IGSF9B: variants seen among roughly 807,000 people sequenced by gnomAD.
The protein encoded by IGSF9B is protein turtle homolog B.
IGSF9B carries 48 observed loss-of-function variants against 143.7 expected under a neutral mutation model. The observed-to-expected ratio is 0.33, with a 90% CI of 0.26 to 0.42. The LOEUF (loss-of-function observed/expected upper bound fraction) is 0.42, where lower values mean the gene tolerates loss of function less well. Ranked by LOEUF, IGSF9B falls within the 20% of genes least tolerant of loss-of-function variation. The pLI is 1.00. For synonymous variants in IGSF9B, 903 were observed against 833.1 expected, an observed-to-expected ratio of 1.08 and a Z score of -1.44; for missense variants, 1,706 against 1,980.0, an observed-to-expected ratio of 0.86 and a Z score of 2.63.
intron 19 of IGSF9B, among the ~76,000 whole-genome samples, chr11:133,910,559 A>T (rs910048657): frequency 1.3e-5 from 2 of 152,170 alleles, no homozygotes; most frequent in Non-Finnish European, 2.9e-5. Flanking sequence ...ACCGAGGAAG[A>T]GCTGAGGAGA....
chr11:133,923,143 G>C (rs1339083743), intron 15 of IGSF9B, among the ~76,000 whole-genome samples: 2 of 152,228 alleles, frequency 1.3e-5, no homozygotes, highest in African/African-American at 4.8e-5. Context: ...CTGGGTTAGA[G>C]AGACCCGCTT....
At position 133,928,052 on chromosome 11, in the gene IGSF9B, G is replaced by A. The variant is rs1266829745; in HGVS notation, c.1632-961C>T. On this transcript the variant is annotated intron_variant, in intron 12 of 19. Transcript: ENST00000533871. This position sits in a 1 kb window ranked among gnomAD's most constrained non-coding sequence, Gnocchi z 4.7. ...GGCCCAGGCAACAAAGCAGCGAGGA[G>A]CCACGTGTGGAAAAGCAGTGCAGAT... Among the ~76,000 whole-genome samples, 1 of 152,194 alleles carries A rather than the reference G, an allele frequency of 6.6e-6. No homozygotes were observed. Among genetic ancestry groups the A allele is most frequent in the Non-Finnish European group, 1.5e-5 (1 of 68,032 alleles).
rs186855810 is a variant in IGSF9B, at chr11:133,925,996, G to A, written c.1808-31C>T. 6.6e-4 allele frequency: 978 copies of A among 1,484,116 alleles called. 7 individuals carry two copies. In the African/African-American group the frequency reaches 0.012, roughly 18 times the overall value. The allele number at this position is 1,484,116 out of a possible 1,614,324, so 91.9% of individuals were successfully genotyped here. A position where few individuals can be genotyped will look rare whatever the true frequency, so the allele number is the denominator to read the frequency against. Reference sequence around the variant, plus strand: ...GCGGGGGAAGGAGAAGAACCACAGCGCATCAGCGAGGCCCAGGGCAGCCAC... The same window carrying A: ...GCGGGGGAAGGAGAAGAACCACAGCACATCAGCGAGGCCCAGGGCAGCCAC... On this transcript the variant is annotated intron_variant, in intron 13 of 19. Coordinates refer to ENST00000533871, the MANE Select transcript of IGSF9B (RefSeq NM_001277285.4).
In IGSF9B at chr11:133,945,340, C is replaced by T. The variant is rs541139979; in HGVS notation, c.262+721G>A. On this transcript the variant is annotated intron_variant, in intron 2 of 19. Transcript: ENST00000533871. The surrounding 1 kb of genome is among the most constrained non-coding windows in gnomAD (Gnocchi z 4.6). ...CACAGGAGCGAAAGAGGGACAGAGA[C>T]GGAAGCATTCTGAGAAAGGCAGGGC... Among the ~76,000 whole-genome samples the T allele has an allele frequency of 6.6e-5, 10 of 152,324 alleles. No individual in the cohort carries two copies. In the South Asian group the frequency reaches 1.5e-3, roughly 22 times the overall value.
rs1940106807 is a variant in IGSF9B, at chr11:133,948,851, G to C, written c.65-2593C>G. On this transcript the variant is annotated intron_variant, in intron 1 of 19. Coordinates refer to ENST00000533871, the MANE Select transcript of IGSF9B (RefSeq NM_001277285.4). The surrounding 1 kb of genome is among the most constrained non-coding windows in gnomAD (Gnocchi z 4.7). ...GGGACAGCAGGCACCTCCAACAGTGGAGTTTGCTCTGGTGAGCTGGCTTCC... is the reference window on the plus strand; with the variant it reads ...GGGACAGCAGGCACCTCCAACAGTGCAGTTTGCTCTGGTGAGCTGGCTTCC... 6.6e-6 allele frequency among the ~76,000 whole-genome samples: 1 copy of C among 152,198 alleles called. No individual in the cohort carries two copies. The highest frequency in any genetic ancestry group is 2.4e-5 in the African/African-American group (1 of 41,446).
At position 133,920,402 on chromosome 11, in the gene IGSF9B, G is replaced by A; in HGVS notation, c.3323C>T (p.Pro1108Leu). ...EAPKGWAGKS[P>L]GRGPVPAPPA... ...GGGCGCTGGGACAGGGCCCCTGCCGGGCGACTTGCCTGCCCAACCCTTCGG... is the reference window on the plus strand; with the variant it reads ...GGGCGCTGGGACAGGGCCCCTGCCGAGCGACTTGCCTGCCCAACCCTTCGG... The change falls in exon 18 of 20, where the codon CCC becomes CTC. Residue 1108 changes from proline (P) to leucine (L), a missense_variant. This residue lies in a region of IGSF9B where 880 missense variants were observed against 762.9 expected (regional missense o/e 1.15). Transcript: ENST00000533871. 6.3e-7 allele frequency: 1 copy of A among 1,595,644 alleles called. No homozygotes were observed. The highest frequency in any genetic ancestry group is 8.5e-7 in the Non-Finnish European group (1 of 1,172,272).
chr11:133,946,044 G>C lies in IGSF9B; in HGVS notation c.262+17C>G. 4.6e-6 allele frequency: 7 copies of C among 1,518,536 alleles called. No homozygotes were observed. The highest frequency in any genetic ancestry group is 1.3e-5 in the South Asian group (1 of 76,958). The allele number at this position is 1,518,536 out of a possible 1,614,324, so 94.1% of individuals were successfully genotyped here. ...CCAGCTGGGGAAGGTGCGGGAGACC[G>C]GGTGCCCAGACCTTACCTGCATACT... On this transcript the variant is annotated intron_variant, in intron 2 of 19. Coordinates refer to ENST00000533871, the MANE Select transcript of IGSF9B (RefSeq NM_001277285.4).
rs1197895128 is a variant in IGSF9B, at chr11:133,903,275, G to A, written c.*5794C>T. Among the ~76,000 whole-genome samples, 1 of 151,968 alleles carries A rather than the reference G, an allele frequency of 6.6e-6. No homozygotes were observed. Among genetic ancestry groups the A allele is most frequent in the African/African-American group, 2.4e-5 (1 of 41,372 alleles). ...AAGGCAGGCCCAGGCAGCCATTCAC[G>A]TCCCCATCTAGTGTGATGGGAATGG... On this transcript the variant is annotated 3_prime_UTR_variant, in exon 20 of 20. Transcript: ENST00000533871.
chr11:133,931,027 G>A lies in IGSF9B; in HGVS notation c.1476C>T (p.Asn492=), dbSNP rs371181148. ...TGCTGGCAGTGATGCTCGTGACCAC[G>A]TTGGTGGCGACACATTCCCACTCCC... ...DHGEWECVAT[N]VVTSITASTH... is the part of the protein sequence containing the mutation. Residue 492 remains asparagine (N), a synonymous_variant, in exon 11 of 20, where the codon AAC becomes AAT. Coordinates refer to ENST00000533871, the MANE Select transcript of IGSF9B (RefSeq NM_001277285.4). This position sits in a 1 kb window ranked among gnomAD's most constrained non-coding sequence, Gnocchi z 7.7. 116 of 1,613,464 alleles carry A rather than the reference G, an allele frequency of 7.2e-5. No individual in the cohort carries two copies. Among genetic ancestry groups the A allele is most frequent in the Middle Eastern group, 3.3e-4 (2 of 6,078 alleles).
intron 18 of IGSF9B, among the ~76,000 whole-genome samples, chr11:133,918,437 AGAGACG>A (rs1430376104): frequency 6.6e-6 from 1 of 151,932 alleles, no homozygotes; most frequent in Non-Finnish European, 1.5e-5. Flanking sequence ...GGAGGAGGAG[AGAGACG>A]GAGACCCAGA....
chr11:133,929,675 C>T lies in IGSF9B; in HGVS notation c.1627G>A (p.Val543Ile), dbSNP rs1190840879. The change falls in exon 12 of 20, where the codon GTT (valine) becomes ATT (isoleucine). Residue 543 changes from valine (V) to isoleucine (I), a missense_variant. Coordinates refer to ENST00000533871, the MANE Select transcript of IGSF9B (RefSeq NM_001277285.4). ...GTGACTCACAGAGGTCCGTACCAAA[C>T]TGAGAATGTCTGCTCGTAGCCTCCA... ...YDGGYEQTFS[V>I]WMKRAQFGPH... 6.2e-7 allele frequency: 1 copy of T among 1,609,794 alleles called. No homozygotes were observed. Among genetic ancestry groups the T allele is most frequent in the South Asian group, 1.1e-5 (1 of 90,996 alleles).
chr11:133,910,660 A>G (rs1450526650), intron 19 of IGSF9B, among the ~76,000 whole-genome samples: 1 of 152,160 alleles, frequency 6.6e-6, no homozygotes, highest in Non-Finnish European at 1.5e-5. Context: ...GGCAACTGGA[A>G]ATATCAGCCA....
At position 133,928,514 on chromosome 11, in the gene IGSF9B, C is replaced by T. The variant is rs968210055; in HGVS notation, c.1631+1157G>A. ...TGAACCCCCTGAGCTGCCCCAGGTG[C>T]CTGCCTTTTCCCCCTCCCCTCGAGC... On this transcript the variant is annotated intron_variant, in intron 12 of 19. Coordinates refer to ENST00000533871, the MANE Select transcript of IGSF9B (RefSeq NM_001277285.4). The surrounding 1 kb of genome is among the most constrained non-coding windows in gnomAD (Gnocchi z 4.7). Among the ~76,000 whole-genome samples the T allele has an allele frequency of 5.9e-5, 9 of 152,160 alleles. No homozygotes were observed. The highest frequency in any genetic ancestry group is 5.2e-4 in the Admixed American group (8 of 15,282).
rs1256775464 is a variant in IGSF9B, at chr11:133,897,350, T to C, written c.*11719A>G. On this transcript the variant is annotated 3_prime_UTR_variant, in exon 20 of 20. Transcript: ENST00000533871. ...TGAGCTCTCTCCCGCTCTCACTCTC[T>C]TGCGTGCACACACGCACACGCACAC... 6.6e-6 allele frequency: 1 copy of C among 151,840 alleles called. No individual in the cohort carries two copies. Among genetic ancestry groups the C allele is most frequent in the Admixed American group, 6.6e-5 (1 of 15,222 alleles). The allele number at this position is 151,840 out of a possible 1,614,324, so 9.4% of individuals were successfully genotyped here.
At position 133,925,803 on chromosome 11, in the gene IGSF9B, C is replaced by T. The variant is rs773841805; in HGVS notation, c.1970G>A (p.Trp657Ter). The T allele has an allele frequency of 6.2e-7, 1 of 1,613,910 alleles. No homozygotes were observed. The highest frequency in any genetic ancestry group is 1.3e-5 in the African/African-American group (1 of 75,060). Reference protein sequence around the residue: ...YIMEFRVAERWELLDDGIPGT... With the variant: ...YIMEFRVAER ...GGGGATGCCATCGTCGAGCAACTCC[C>T]AGCGCTCTGCGACACGGAACTCCAT... The change falls in exon 14 of 20, where the codon TGG becomes TAG. Residue 657 changes from tryptophan to a stop codon, truncating the protein, a stop_gained. Transcript: ENST00000533871. LOFTEE classifies it high-confidence loss of function.
rs761806155 is a variant in IGSF9B, at chr11:133,911,943, G to A, written c.4048C>T (p.Arg1350Trp). The A allele has an allele frequency of 3.0e-5, 46 of 1,534,828 alleles. No individual in the cohort carries two copies. The highest frequency in any genetic ancestry group is 3.3e-4 in the Middle Eastern group (2 of 5,998). ...PERLEALKYQ[R>W]IKKPKKSSKG... ...GATGACTTTTTGGGCTTCTTTATCC[G>A]TTGGTATTTCAGAGCCTCCAGCCTC... Residue 1350 changes from arginine (R) to tryptophan (W), a missense_variant, in exon 19 of 20, where the codon CGG (arginine) becomes TGG (tryptophan). Physicochemically the swap from Arg to Trp is moderately radical, Grantham distance 101 (BLOSUM62 -3). Transcript: ENST00000533871.
chr11:133,902,481 AACACAC>A lies in IGSF9B; in HGVS notation c.*6582_*6587del, dbSNP rs955882153. Among the ~76,000 whole-genome samples, 4 of 65,470 alleles carry A rather than the reference AACACAC, an allele frequency of 6.1e-5. No individual in the cohort carries two copies. The highest frequency in any genetic ancestry group is 6.3e-4 in the South Asian group (1 of 1,592). The allele number at this position is 65,470 out of a possible 152,430, so 43.0% of individuals were successfully genotyped here. Reference sequence around the variant, plus strand: ...ACACACAGATACACACACCACACACAACACACACACACACCAGACATGCACACCACA... The same window carrying A: ...ACACACAGATACACACACCACACACAACACACACCAGACATGCACACCACA... On this transcript the variant is annotated 3_prime_UTR_variant, in exon 20 of 20. Transcript: ENST00000533871.
rs1421876339 is a variant in IGSF9B, at chr11:133,900,227, T to C, written c.*8842A>G. 2.0e-5 allele frequency: 3 copies of C among 152,560 alleles called. No homozygotes were observed. The highest frequency in any genetic ancestry group is 4.8e-5 in the African/African-American group (2 of 41,424). The allele number at this position is 152,560 out of a possible 1,614,324, so 9.5% of individuals were successfully genotyped here. ...GCTCTTAGGGAGTGCCATGTCTTGG[T>C]TAGGAAAGGGGTTAGTACTGCCCTT... On this transcript the variant is annotated 3_prime_UTR_variant, in exon 20 of 20. Coordinates refer to ENST00000533871, the MANE Select transcript of IGSF9B (RefSeq NM_001277285.4).
chr11:133,942,720 T>C (rs1299361365), intron 3 of IGSF9B, among the ~76,000 whole-genome samples: 1 of 152,184 alleles, frequency 6.6e-6, no homozygotes, highest in Non-Finnish European at 1.5e-5. Context: ...GCCTTCCTAA[T>C]TACACTTTGC....
Sources: gnomAD v4.1 joint callset for allele counts (sites outside exome capture counted in the v4.1 genomes callset) on GRCh38, gnomAD v4.1.1 for gene constraint, gnomAD v4.1.1 regional missense constraint, Gnocchi (gnomAD v3.1) non-coding constraint, MANE v1.5 for transcripts, NCBI Gene and HGNC (gene_info 2026-07-23, HGNC 2026-07-21) for gene names.